The following SCOC variants were observed in gnomAD, a reference collection of about 807,000 sequenced individuals.
SCOC encodes short coiled coil protein.
Under a neutral mutation model 9.9 loss-of-function variants are expected in SCOC, and 7 were observed. The observed-to-expected ratio is 0.71, with a 90% confidence interval of 0.40 to 1.33. SCOC has a LOEUF of 1.33. SCOC is among the 40% of genes most tolerant of loss of function. The pLI, the probability that SCOC is intolerant of heterozygous loss-of-function variation, is 0.01. For missense variants in SCOC, 66 were observed against 89.7 expected (o/e 0.74, Z 1.07); for synonymous variants, 19 against 28.2 (o/e 0.67, Z 1.03).
chr4:140,373,588 G>C (rs993834765), upstream of SCOC: 4 of 1,551,576 alleles, frequency 2.6e-6, no homozygotes, highest in South Asian at 1.2e-5. Context: ...CGGCTGGGAC[G>C]GGATGGGATT....
intron 2 of SCOC, among the ~76,000 whole-genome samples, chr4:140,348,223 T>C (rs953220365): frequency 1.3e-5 from 2 of 152,176 alleles, no homozygotes; most frequent in Non-Finnish European, 2.9e-5. Flanking sequence ...TTTTTAACTA[T>C]AGTTGCCGTG....
chr4:140,363,346 A>T (rs1727654637), intron 2 of SCOC, among the ~76,000 whole-genome samples: 1 of 152,226 alleles, frequency 6.6e-6, no homozygotes, highest in South Asian at 2.1e-4. Flanking sequence ...ACTTGTATGC[A>T]TTTTTTTCAG....
upstream of SCOC, among the ~76,000 whole-genome samples, chr4:140,341,572 C>G (rs1231332195): frequency 1.3e-5 from 2 of 152,172 alleles, no homozygotes; most frequent in Non-Finnish European, 2.9e-5. Context: ...CTAGGACTGA[C>G]AGAAAATGGA....
intron 1 of SCOC, among the ~76,000 whole-genome samples, chr4:140,292,342 C>A (rs912602467): frequency 3.3e-5 from 5 of 152,064 alleles, no homozygotes; most frequent in African/African-American, 1.2e-4. Flanking sequence ...GTGCGTGCCA[C>A]CATGCCCAGC....
At chr4:140,261,410 A>G (rs1465058209) in intron 1 of SCOC, among the ~76,000 whole-genome samples, 1 of 152,124 alleles carries the variant, frequency 6.6e-6, no homozygotes. Context: ...AATGACCAGC[A>G]CTCTGTAAGG....
intron 2 of SCOC, among the ~76,000 whole-genome samples, chr4:140,364,435 G>T (rs1476017787): frequency 6.6e-6 from 1 of 152,094 alleles, no homozygotes; most frequent in Non-Finnish European, 1.5e-5. Flanking sequence ...ATATCTGCCT[G>T]AACAGGTTTC....
chr4:140,291,435 C>T (rs951369642), intron 1 of SCOC: 6 of 457,098 alleles, frequency 1.3e-5, no homozygotes, highest in Non-Finnish European at 2.6e-5. Flanking sequence ...TGTATAGCAA[C>T]CTCTTGTCAT....
chr4:140,268,410 T>C (rs1339276399), intron 1 of SCOC, among the ~76,000 whole-genome samples: 4 of 152,222 alleles, frequency 2.6e-5, no homozygotes, highest in South Asian at 4.1e-4. Context: ...GCTGAGCCAC[T>C]TGGGCCTCTG....
chr4:140,290,016 C>A (rs1320415093), intron 1 of SCOC, among the ~76,000 whole-genome samples: 1 of 152,230 alleles, frequency 6.6e-6, no homozygotes, highest in Non-Finnish European at 1.5e-5. Context: ...GGACTCCTCA[C>A]CAATCTTTCA....
intron 1 of SCOC, among the ~76,000 whole-genome samples, chr4:140,311,053 C>T (rs1732142305): frequency 6.6e-6 from 1 of 152,142 alleles, no homozygotes; most frequent in South Asian, 2.1e-4. Context: ...ACTCCTCAAT[C>T]TAACTTATCC....
At chr4:140,366,201 C>A in intron 2 of SCOC, 1 of 705,016 alleles carries the variant, frequency 1.4e-6, no homozygotes, top group South Asian at 6.4e-5. Flanking sequence ...TTTTTTTTTC[C>A]CAAATAGAAC....
At chr4:140,303,785 G>A (rs1322785846) in intron 1 of SCOC, among the ~76,000 whole-genome samples, 4 of 152,162 alleles carry the variant, frequency 2.6e-5, no homozygotes, top group Non-Finnish European at 4.4e-5. Flanking sequence ...GAGTTTCAGG[G>A]CTGTTCACTT....
chr4:140,328,154 T>C (rs186747107), intron 1 of SCOC, among the ~76,000 whole-genome samples: 30 of 152,310 alleles, frequency 2.0e-4, no homozygotes, highest in African/African-American at 7.2e-4. Context: ...ACATGCTCTA[T>C]CATGTTAGCT....
At chr4:140,258,985 G>A (rs901531063) in intron 1 of SCOC, among the ~76,000 whole-genome samples, 6 of 152,186 alleles carry the variant, frequency 3.9e-5, no homozygotes, top group African/African-American at 9.7e-5. Context: ...ACAATGGCCT[G>A]GTTTTCACCA....
At chr4:140,372,178 T>C (rs149460471), upstream of SCOC, among the ~76,000 whole-genome samples, 216 of 152,352 alleles carry the variant, frequency 1.4e-3, 1 homozygote, top group Admixed American at 3.0e-3. Context: ...AAAGAGAGAT[T>C]GGTTCTGGAG....
At chr4:140,276,980 G>C (rs1412705099) in intron 1 of SCOC, among the ~76,000 whole-genome samples, 1 of 152,144 alleles carries the variant, frequency 6.6e-6, no homozygotes, top group Non-Finnish European at 1.5e-5. Flanking sequence ...GTCTTTTAAG[G>C]ATCAATTTGC....
intron 1 of SCOC, among the ~76,000 whole-genome samples, chr4:140,320,356 C>T (rs112623468): frequency 0.047 from 7,205 of 152,260 alleles, 229 homozygotes; most frequent in Non-Finnish European, 0.069. Flanking sequence ...TAAAAATGGG[C>T]AACCAGCAGC....
chr4:140,299,840 G>A (rs1283966365), intron 1 of SCOC, among the ~76,000 whole-genome samples: 1 of 152,156 alleles, frequency 6.6e-6, no homozygotes, highest in Non-Finnish European at 1.5e-5. Flanking sequence ...TTAGCACAAC[G>A]ATGCTTATTT....
At chr4:140,376,058 A>G (rs1728330993) in intron 1 of SCOC, among the ~76,000 whole-genome samples, 1 of 152,236 alleles carries the variant, frequency 6.6e-6, no homozygotes, top group African/African-American at 2.4e-5. Flanking sequence ...TTGATGTTAT[A>G]GCAACTATAG....
Sources: gnomAD v4.1 joint callset for allele counts (sites outside exome capture counted in the v4.1 genomes callset) on GRCh38, gnomAD v4.1.1 for gene constraint, MANE v1.5 for transcripts, NCBI Gene and HGNC (gene_info 2026-07-23, HGNC 2026-07-21) for gene names.